Variants in ZNF461 observed in about 807,000 individuals in gnomAD.
ZNF461 encodes the protein zinc finger protein 461.
A neutral mutation model predicts 18.3 loss-of-function variants in ZNF461; 16 were observed. The ratio of observed to expected loss-of-function variants is 0.88; its 90% confidence interval spans 0.59 to 1.33. The LOEUF (loss-of-function observed/expected upper bound fraction) is 1.33. Ranked by LOEUF, ZNF461 falls within the 40% of genes most tolerant of loss-of-function variation. The pLI is 0.00. For synonymous variants in ZNF461, 179 were observed against 216.9 expected, an observed-to-expected ratio of 0.83 and a Z score of 1.54; for missense variants, 595 against 669.9, an observed-to-expected ratio of 0.89 and a Z score of 1.23.
At chr19:36,662,521 C>G (rs954634676) in intron 2 of ZNF461, among the ~76,000 whole-genome samples, 8 of 152,128 alleles carry the variant, frequency 5.3e-5, no homozygotes, top group Admixed American at 6.5e-5. Context: ...TCCCAAAGTG[C>G]TGGGATTACA....
chr19:36,665,836 T>C (rs1296589212), intron 1 of ZNF461, among the ~76,000 whole-genome samples: 1 of 151,566 alleles, frequency 6.6e-6, no homozygotes, highest in East Asian at 1.9e-4. Context: ...GCTGTAATGA[T>C]AAATGCGGGG....
At chr19:36,643,985 T>A in intron 4 of ZNF461, 123 bp from the exon 5 acceptor site, 1 of 754,470 alleles carries the variant, frequency 1.3e-6, no homozygotes. Context: ...CAAGCTGGAG[T>A]GCAATCACAC....
chr19:36,643,777 A>G lies in ZNF461; in HGVS notation c.301+17T>C, dbSNP rs989449227. ...CAGTACTTCTACTGTACTCTTAAAA[A>G]CTGTATTTATTTATACCTGCATTTA... On this transcript the variant is annotated intron_variant, in intron 5 of 5. Transcript: ENST00000588268. The G allele has an allele frequency of 8.6e-6, 13 of 1,515,310 alleles. No individual in the cohort carries two copies. The highest frequency in any genetic ancestry group is 1.1e-5 in the Non-Finnish European group (12 of 1,132,664). The allele number at this position is 1,515,310 out of a possible 1,614,324, so 93.9% of individuals were successfully genotyped here.
chr19:36,661,097 G>C (rs542321034), intron 2 of ZNF461, among the ~76,000 whole-genome samples: 1 of 152,022 alleles, frequency 6.6e-6, no homozygotes, highest in Non-Finnish European at 1.5e-5. Context: ...GTAACAAAGC[G>C]AGATCGCATC....
Position 36,639,870 on chromosome 19 carries a change from C to G in ZNF461, c.475G>C (p.Glu159Gln), listed in dbSNP as rs762141866. The stretch of plus-strand genomic sequence containing the variant: ...ATCATAAGTTGTCTAAAATAACCCT[C>G]CTCTTGTCCCTGATGTTGCTCAAAA... Reference protein sequence around the residue: ...CHFEQHQGQEEGYFRQLMINH... With the variant: ...CHFEQHQGQEQGYFRQLMINH... Residue 159 changes from glutamate (E) to glutamine (Q), a missense_variant, in exon 6 of 6, where the codon GAG becomes CAG. Physicochemically the swap from Glu to Gln is conservative, Grantham distance 29 (BLOSUM62 2). Coordinates refer to ENST00000588268, the MANE Select transcript of ZNF461 (RefSeq NM_153257.5). 1.2e-6 allele frequency: 2 copies of G among 1,613,900 alleles called. No individual in the cohort carries two copies. The highest frequency in any genetic ancestry group is 1.1e-5 in the South Asian group (1 of 91,080).
intron 1 of ZNF461, among the ~76,000 whole-genome samples, chr19:36,665,261 A>G (rs1440957410): frequency 1.3e-5 from 2 of 152,244 alleles, no homozygotes; most frequent in African/African-American, 2.4e-5. Context: ...AAAAATAAAT[A>G]GAACAAAAAT....
At chr19:36,642,576 A>C (rs946056933) in intron 5 of ZNF461, among the ~76,000 whole-genome samples, 2 of 152,142 alleles carry the variant, frequency 1.3e-5, no homozygotes, top group Admixed American at 6.5e-5. Context: ...TGCCAGGCAC[A>C]AGCTGTCTAC....
chr19:36,664,458 C>T (rs139976644), intron 2 of ZNF461, among the ~76,000 whole-genome samples: 2,290 of 152,038 alleles, frequency 0.015, 22 homozygotes, highest in Non-Finnish European at 0.024. Context: ...TGTGGTGGCA[C>T]GTGCCTGTTG....
At chr19:36,661,214 G>T (rs2037813503) in intron 2 of ZNF461, among the ~76,000 whole-genome samples, 1 of 151,792 alleles carries the variant, frequency 6.6e-6, no homozygotes, top group Non-Finnish European at 1.5e-5. Flanking sequence ...GGAGTTCGAG[G>T]CTGCAATAAG....
At chr19:36,649,314 CAG>C (rs1467343508) in intron 4 of ZNF461, among the ~76,000 whole-genome samples, 1 of 144,672 alleles carries the variant, frequency 6.9e-6, no homozygotes, top group Admixed American at 7.1e-5. Context: ...TCTCTTGAAA[CAG>C]TATATTTTAT....
At chr19:36,660,976 A>G (rs771485191) in intron 2 of ZNF461, among the ~76,000 whole-genome samples, 1 of 152,182 alleles carries the variant, frequency 6.6e-6, no homozygotes, top group Non-Finnish European at 1.5e-5. Context: ...AATAAAAAAG[A>G]TGGGAAGGGG....
intron 4 of ZNF461, among the ~76,000 whole-genome samples, chr19:36,651,031 A>C (rs2037616284): frequency 6.6e-6 from 1 of 151,726 alleles, no homozygotes; most frequent in Non-Finnish European, 1.5e-5. Context: ...GGAGATCAAG[A>C]CCATCCTGGC....
rs770667749 is a variant in ZNF461 at position 36,638,767 on chromosome 19, T to C, written c.1578A>G (p.Gln526=). The C allele has an allele frequency of 3.1e-6, 5 of 1,614,186 alleles. No individual in the cohort carries two copies. Among genetic ancestry groups the C allele is most frequent in the South Asian group, 1.1e-5 (1 of 91,082 alleles). ...QRIHSGKKPY[Q]CGKAFNHRLQ... ...ATCTATGATTAAACGCCTTCCCGCA[T>C]TGATAAGGTTTCTTTCCAGAATGAA... The change falls in exon 6 of 6, where the codon CAA becomes CAG. Residue 526 remains glutamine, a synonymous_variant. Transcript: ENST00000588268.
Sources: allele counts gnomAD v4.1 joint callset (sites outside exome capture counted in the v4.1 genomes callset), GRCh38; gene constraint gnomAD v4.1.1; transcripts MANE v1.5; gene names NCBI Gene and HGNC (gene_info 2026-07-23, HGNC 2026-07-21).